Variants in ALPK1 observed in about 807,000 individuals in gnomAD.
The protein encoded by ALPK1 is alpha kinase 1, also known as alpha-protein kinase 1.
Under a neutral mutation model 120.6 loss-of-function variants are expected in ALPK1, and 110 were observed. The observed-to-expected ratio is 0.91, with a 90% CI of 0.78 to 1.07. The LOEUF (loss-of-function observed/expected upper bound fraction) is 1.07. Ranked by LOEUF, ALPK1 falls within the 50% of genes least tolerant of loss-of-function variation. The pLI is 0.00. For missense variants in ALPK1, 1,498 were observed against 1,483.9 expected (o/e 1.01, Z -0.16); for synonymous variants, 582 against 560.3 (o/e 1.04, Z -0.55).
At chr4:112,410,468 T>C (rs960814851) in intron 4 of ALPK1, among the ~76,000 whole-genome samples, 1 of 152,266 alleles carries the variant, frequency 6.6e-6, no homozygotes, top group African/African-American at 2.4e-5. Context: ...GCCTGGCACC[T>C]GGTTTTGCCC....
chr4:112,342,262 TAC>T (rs1729895599), intron 2 of ALPK1, among the ~76,000 whole-genome samples: 1 of 152,184 alleles, frequency 6.6e-6, no homozygotes, highest in African/African-American at 2.4e-5. Context: ...CAAAGGGGTG[TAC>T]AGTTTACATC....
intron 2 of ALPK1, among the ~76,000 whole-genome samples, chr4:112,347,687 A>T (rs548440252): frequency 2.0e-5 from 3 of 152,354 alleles, no homozygotes; most frequent in African/African-American, 7.2e-5. Context: ...CCAAATATGT[A>T]TACAACAGAT....
intron 5 of ALPK1, among the ~76,000 whole-genome samples, chr4:112,421,544 G>A (rs1229039736): frequency 6.6e-6 from 1 of 152,066 alleles, no homozygotes; most frequent in Admixed American, 6.6e-5. Context: ...TTGCTGTCTG[G>A]AAAAACTATT....
At chr4:112,369,032 T>G (rs2351456) in intron 2 of ALPK1, among the ~76,000 whole-genome samples, 127,391 of 151,584 alleles carry the variant, frequency 0.84, 53,553 homozygotes, top group Middle Eastern at 0.89. Flanking sequence ...CCTTTACTTC[T>G]TTTTTTGTTT....
chr4:112,419,114 CAA>C (rs1012508081), intron 5 of ALPK1, among the ~76,000 whole-genome samples: 2 of 152,124 alleles, frequency 1.3e-5, no homozygotes, highest in African/African-American at 4.8e-5. Context: ...TAGTTAGCAA[CAA>C]AACCTAATTA....
chr4:112,332,234 G>C (rs1215376494), intron 2 of ALPK1, among the ~76,000 whole-genome samples: 1 of 152,196 alleles, frequency 6.6e-6, no homozygotes, highest in African/African-American at 2.4e-5. Flanking sequence ...TCAATAAGGA[G>C]GAAGGAAGAA....
intron 5 of ALPK1, among the ~76,000 whole-genome samples, chr4:112,419,932 G>A (rs965145828): frequency 6.6e-6 from 1 of 152,170 alleles, no homozygotes; most frequent in Non-Finnish European, 1.5e-5. Context: ...TAGTAAACAC[G>A]TAATAAACGG....
chr4:112,430,499 C>G lies in ALPK1; in HGVS notation c.952C>G (p.Pro318Ala). 6.2e-7 allele frequency: 1 copy of G among 1,613,654 alleles called. No homozygotes were observed. The change falls in exon 11 of 16, where the codon CCA becomes GCA. Residue 318 changes from proline (P) to alanine (A), a missense_variant. Transcript: ENST00000650871. ...LSYSSSNDCP[P>A]ELKNLHLCEA... The stretch of plus-strand genomic sequence containing the variant: ...CTACAGTAGTTCAAATGACTGTCCT[C>G]CAGAATTGAAAAACTTACATCTGTG...
In ALPK1 at chr4:112,432,586, G is replaced by A. The variant is rs767035700; in HGVS notation, c.3034+5G>A. On this transcript the variant is annotated splice_donor_5th_base_variant and intron_variant, in intron 11 of 15. Transcript: ENST00000650871. Reference sequence around the variant, plus strand: ...GTCAACTCCACCGAGCACATAGTAAGTACAATCTTTTCAATAGTTCCCCCC... The same window carrying A: ...GTCAACTCCACCGAGCACATAGTAAATACAATCTTTTCAATAGTTCCCCCC... 6 of 1,606,854 alleles carry A rather than the reference G, an allele frequency of 3.7e-6. No homozygotes were observed. The highest frequency in any genetic ancestry group is 3.4e-5 in the Admixed American group (2 of 59,446).
intron 1 of ALPK1, among the ~76,000 whole-genome samples, chr4:112,303,744 C>T (rs1727894221): frequency 6.6e-6 from 1 of 151,110 alleles, no homozygotes; most frequent in African/African-American, 2.4e-5. Flanking sequence ...ACTTTAAGTT[C>T]TAGGGTACAT....
intron 1 of ALPK1, among the ~76,000 whole-genome samples, chr4:112,304,494 T>C (rs1315382198): frequency 1.3e-5 from 2 of 152,144 alleles, no homozygotes; most frequent in Non-Finnish European, 2.9e-5. Flanking sequence ...ATTTCTCTGA[T>C]GGCCAGTGAT....
At chr4:112,432,897 G>C (rs940673159) in intron 11 of ALPK1, among the ~76,000 whole-genome samples, 3 of 152,144 alleles carry the variant, frequency 2.0e-5, no homozygotes, top group Non-Finnish European at 4.4e-5. Flanking sequence ...AGCTCTGGAG[G>C]CCGTCTCATC....
chr4:112,323,038 C>T (rs181016385), intron 2 of ALPK1, among the ~76,000 whole-genome samples: 2 of 152,278 alleles, frequency 1.3e-5, no homozygotes, highest in Admixed American at 6.5e-5. Flanking sequence ...TCCTGCTGAC[C>T]GCAGTCACTT....
At chr4:112,306,468 T>G (rs1458848637) in intron 1 of ALPK1, among the ~76,000 whole-genome samples, 1 of 152,150 alleles carries the variant, frequency 6.6e-6, no homozygotes, top group Non-Finnish European at 1.5e-5. Flanking sequence ...TCTTCCTGGT[T>G]TAATCTTGGG....
intron 2 of ALPK1, among the ~76,000 whole-genome samples, chr4:112,351,494 T>TA (rs1730353886): frequency 6.7e-6 from 1 of 148,524 alleles, no homozygotes; most frequent in African/African-American, 2.5e-5. Context: ...ATTTTTTTTT[T>TA]ATAGAGTCTT....
chr4:112,414,172 G>T (rs932403025), intron 5 of ALPK1: 2 of 440,146 alleles, frequency 4.5e-6, no homozygotes, highest in South Asian at 1.6e-5. Flanking sequence ...ATATAATATT[G>T]TAAGAGGTAA....
At chr4:112,390,411 T>G (rs1393332668) in intron 4 of ALPK1, among the ~76,000 whole-genome samples, 1 of 152,234 alleles carries the variant, frequency 6.6e-6, no homozygotes, top group Non-Finnish European at 1.5e-5. Context: ...GTATCACCTT[T>G]TCAAAGTTGC....
intron 2 of ALPK1, among the ~76,000 whole-genome samples, chr4:112,355,765 AAC>A (rs1730575323): frequency 1.3e-5 from 2 of 152,262 alleles, no homozygotes; most frequent in South Asian, 4.1e-4. Context: ...TCCGTGGGGT[AAC>A]AGTTTCCTCC....
chr4:112,399,461 G>C (rs796961015), intron 4 of ALPK1, among the ~76,000 whole-genome samples: 9 of 152,278 alleles, frequency 5.9e-5, no homozygotes, highest in African/African-American at 2.2e-4. Context: ...ACAAAAGAGT[G>C]GCAGGTAAAG....
Sources: allele counts gnomAD v4.1 joint callset (sites outside exome capture counted in the v4.1 genomes callset), GRCh38; gene constraint gnomAD v4.1.1; transcripts MANE v1.5; gene names NCBI Gene and HGNC (gene_info 2026-07-23, HGNC 2026-07-21).